Variants in IMMP2L observed in about 807,000 individuals in gnomAD.
IMMP2L encodes inner mitochondrial membrane peptidase subunit 2.
A neutral mutation model predicts 19.3 loss-of-function variants in IMMP2L; 18 were observed. The observed-to-expected ratio is 0.93, with a 90% CI of 0.64 to 1.38. IMMP2L has a LOEUF of 1.38. Ranked by LOEUF, IMMP2L falls within the 40% of genes most tolerant of loss-of-function variation. The pLI is 0.00. For synonymous variants in IMMP2L, 76 were observed against 73.0 expected, an observed-to-expected ratio of 1.04 and a Z score of -0.21; for missense variants, 233 against 218.2, an observed-to-expected ratio of 1.07 and a Z score of -0.43.
At chr7:110,915,075 A>C (rs1046090132) in intron 4 of IMMP2L, among the ~76,000 whole-genome samples, 2 of 152,178 alleles carry the variant, frequency 1.3e-5, no homozygotes, top group Non-Finnish European at 2.9e-5. Context: ...ACAATCCAGC[A>C]ATCCTATTCC....
chr7:111,018,999 GGT>G (rs1826008351), intron 3 of IMMP2L, among the ~76,000 whole-genome samples: 1 of 151,884 alleles, frequency 6.6e-6, no homozygotes, highest in African/African-American at 2.4e-5. Flanking sequence ...GCTAGCTAGG[GGT>G]GTAGATAACT....
chr7:111,105,001 T>G (rs1373570685), intron 3 of IMMP2L, among the ~76,000 whole-genome samples: 1 of 151,776 alleles, frequency 6.6e-6, no homozygotes, highest in Non-Finnish European at 1.5e-5. Flanking sequence ...AATGTGAATC[T>G]ACTTGCCAGA....
intron 5 of IMMP2L, among the ~76,000 whole-genome samples, chr7:110,817,175 C>T (rs1232138212): frequency 1.3e-5 from 2 of 152,002 alleles, no homozygotes; most frequent in African/African-American, 4.8e-5. Flanking sequence ...TCTAATTGTC[C>T]CTGTTTGCAG....
intron 3 of IMMP2L, among the ~76,000 whole-genome samples, chr7:111,279,786 G>A (rs766628625): frequency 6.6e-6 from 1 of 152,034 alleles, no homozygotes; most frequent in African/African-American, 2.4e-5. Flanking sequence ...AAGAGGCCAG[G>A]TTACAGAGAC....
chr7:111,521,441 G>A lies in IMMP2L; in HGVS notation c.7C>T (p.Gln3Ter), dbSNP rs1385535667. 1.3e-6 allele frequency: 2 copies of A among 1,597,266 alleles called. No homozygotes were observed. The highest frequency in any genetic ancestry group is 1.7e-6 in the Non-Finnish European group (2 of 1,173,732). ...TATCTTTTCACCCACCCTTGTGACT[G>A]TGCCATACCTAAAAATACAAAGAAA... is the stretch of plus-strand genomic sequence containing the variant. MA[Q>*]SQGWVKRYIK... is the part of the protein sequence containing the mutation. Residue 3 changes from glutamine to a stop codon, truncating the protein, a stop_gained, in exon 2 of 6, where the codon CAG becomes TAG. Transcript: ENST00000405709. LOFTEE classifies it high-confidence loss of function.
chr7:111,436,251 C>G (rs1022262288), intron 3 of IMMP2L, among the ~76,000 whole-genome samples: 3 of 151,752 alleles, frequency 2.0e-5, no homozygotes, highest in Admixed American at 2.0e-4. Flanking sequence ...GTCATATCCA[C>G]TTGGCCCTCT....
Position 111,293,049 on chromosome 7 carries a change from C to G in IMMP2L, c.239+194189G>C, listed in dbSNP as rs887081001. On this transcript the variant is annotated intron_variant, in intron 3 of 5. Coordinates refer to ENST00000405709, the MANE Select transcript of IMMP2L (RefSeq NM_032549.4). ...TCACCATCCTGCTTTTCAGTCAGAG[C>G]AGCAGCAAGGACATGAGATATAAGC... is the stretch of plus-strand genomic sequence containing the variant. Among the ~76,000 whole-genome samples, 6 of 152,014 alleles carry G rather than the reference C, an allele frequency of 3.9e-5. No individual in the cohort carries two copies. In the East Asian group the frequency reaches 1.2e-3, roughly 29 times the overall value.
At chr7:111,548,092 C>T (rs1849103264) in intron 1 of IMMP2L, among the ~76,000 whole-genome samples, 2 of 151,948 alleles carry the variant, frequency 1.3e-5, no homozygotes, top group South Asian at 4.2e-4. Context: ...ATTGAATTTC[C>T]CCACGTTTAG....
intron 1 of IMMP2L, among the ~76,000 whole-genome samples, chr7:111,532,768 G>C (rs1847521563): frequency 1.3e-5 from 2 of 152,170 alleles, no homozygotes; most frequent in Non-Finnish European, 2.9e-5. Flanking sequence ...GCTCCAATTA[G>C]TCTGTCAAAA....
At position 110,663,483 on chromosome 7, in the gene IMMP2L, T is replaced by C; in HGVS notation, c.*119A>G. The C allele has an allele frequency of 9.8e-6, 8 of 817,054 alleles. No individual in the cohort carries two copies. The South Asian group carries it at 1.0e-4, about 11-fold the overall frequency. 50.6% of individuals were successfully genotyped at this position (817,054 alleles called of 1,614,324 possible). On this transcript the variant is annotated 3_prime_UTR_variant, in exon 6 of 6. Transcript: ENST00000405709. ...TAATACAGATCGTTTTAATGTGCTG[T>C]AAATATTTCTCGCACAGCATCATAT...
At chr7:111,011,259 T>C (rs959343402) in intron 3 of IMMP2L, among the ~76,000 whole-genome samples, 1 of 152,246 alleles carries the variant, frequency 6.6e-6, no homozygotes, top group African/African-American at 2.4e-5. Flanking sequence ...CAGACTGCCA[T>C]TTGCTGAGAG....
rs527993836 is a variant in IMMP2L, at chr7:110,980,552, G to A, written c.240-16987C>T. Among the ~76,000 whole-genome samples, 6 of 152,162 alleles carry A rather than the reference G, an allele frequency of 3.9e-5. No individual in the cohort carries two copies. The South Asian group carries it at 8.3e-4, about 21-fold the overall frequency. Reference sequence around the variant, plus strand: ...CATCTTATCACCTTTCTAGAAATGTGAGCCAGTTGAGGAAAGACATGAAAC... The same window carrying A: ...CATCTTATCACCTTTCTAGAAATGTAAGCCAGTTGAGGAAAGACATGAAAC... On this transcript the variant is annotated intron_variant, in intron 3 of 5. Coordinates refer to ENST00000405709, the MANE Select transcript of IMMP2L (RefSeq NM_032549.4).
At chr7:111,047,005 A>G (rs549571141) in intron 3 of IMMP2L, among the ~76,000 whole-genome samples, 2 of 152,272 alleles carry the variant, frequency 1.3e-5, no homozygotes, top group East Asian at 1.9e-4. Flanking sequence ...GCAAGATCAT[A>G]TATCTCCTTT....
chr7:110,853,439 G>A (rs799651), intron 5 of IMMP2L, among the ~76,000 whole-genome samples: 65,648 of 151,764 alleles, frequency 0.43, 14,884 homozygotes, highest in East Asian at 0.8. Flanking sequence ...CACTGAGCGC[G>A]TATGTCGTGA....
At chr7:111,416,969 C>G (rs1766176630) in intron 3 of IMMP2L, among the ~76,000 whole-genome samples, 2 of 151,636 alleles carry the variant, frequency 1.3e-5, no homozygotes, top group South Asian at 4.2e-4. Context: ...CCATAAACTA[C>G]ATGTATCTAT....
At chr7:111,192,710 G>C (rs771574441) in intron 3 of IMMP2L, among the ~76,000 whole-genome samples, 2 of 152,060 alleles carry the variant, frequency 1.3e-5, no homozygotes, top group African/African-American at 2.4e-5. Flanking sequence ...GGCATCACAT[G>C]GCAGGTTAAT....
chr7:111,553,643 T>C (rs2133117326), intron 1 of IMMP2L, among the ~76,000 whole-genome samples: 1 of 152,234 alleles, frequency 6.6e-6, no homozygotes, highest in East Asian at 1.9e-4. Flanking sequence ...AATTAGAATA[T>C]ATCAGACAGG....
rs2129589416 is a variant in IMMP2L at position 111,123,261 on chromosome 7, A to T, written c.240-159696T>A. ...TTTCACCTGGAGCCTTTATTGGCCTACATAATCTTCTTCGACTTCATCTCA... is the reference window on the plus strand; with the variant it reads ...TTTCACCTGGAGCCTTTATTGGCCTTCATAATCTTCTTCGACTTCATCTCA... On this transcript the variant is annotated intron_variant, in intron 3 of 5. Coordinates refer to ENST00000405709, the MANE Select transcript of IMMP2L (RefSeq NM_032549.4). This position sits in a 1 kb window ranked among gnomAD's most constrained non-coding sequence, Gnocchi z 6.4. 1 of 1,613,902 alleles carries T rather than the reference A, an allele frequency of 6.2e-7. No individual in the cohort carries two copies. Among genetic ancestry groups the T allele is most frequent in the East Asian group, 2.2e-5 (1 of 44,848 alleles).
chr7:110,817,474 C>A (rs200487003), intron 5 of IMMP2L, among the ~76,000 whole-genome samples: 4 of 151,990 alleles, frequency 2.6e-5, no homozygotes, highest in South Asian at 4.1e-4. Flanking sequence ...GATACAAACA[C>A]ATGGAAGAAC....
Sources: gnomAD v4.1 joint callset for allele counts (sites outside exome capture counted in the v4.1 genomes callset) on GRCh38, gnomAD v4.1.1 for gene constraint, Gnocchi (gnomAD v3.1) non-coding constraint, MANE v1.5 for transcripts, NCBI Gene and HGNC (gene_info 2026-07-23, HGNC 2026-07-21) for gene names.